ATPAF1: variants seen among roughly 807,000 people sequenced by gnomAD.
ATPAF1 encodes homolog of yeast ATP11.
Under a neutral mutation model 43.9 loss-of-function variants are expected in ATPAF1, and 26 were observed. That is an observed-to-expected ratio of 0.59 (90% CI 0.43 to 0.82). The LOEUF (loss-of-function observed/expected upper bound fraction) is 0.82. Among genes scored for constraint, ATPAF1 ranks in the 40% least tolerant of loss-of-function variants. The pLI is 0.00. For missense variants in ATPAF1, 366 were observed against 435.0 expected (o/e 0.84, Z 1.41); for synonymous variants, 157 against 168.0 (o/e 0.93, Z 0.50).
At chr1:46,657,980 A>G (rs1234944421) in intron 4 of ATPAF1, 147 bp downstream of exon 4, 1 of 776,868 alleles carries the variant, frequency 1.3e-6, no homozygotes, top group Admixed American at 2.8e-5. Flanking sequence ...TTTTCTTATG[A>G]CATTGTTCTT....
At position 46,646,949 on chromosome 1, in the gene ATPAF1, G is replaced by A. The variant is rs184034312; in HGVS notation, c.589-1693C>T. Among the ~76,000 whole-genome samples the A allele has an allele frequency of 2.0e-5, 3 of 152,272 alleles. No homozygotes were observed. The East Asian group carries it at 5.8e-4, about 29-fold the overall frequency. On this transcript the variant is annotated intron_variant, in intron 6 of 8. Coordinates refer to ENST00000574428, the Ensembl canonical transcript of ATPAF1. The stretch of plus-strand genomic sequence containing the variant: ...TTGTAAAAACGGAACCACAAAATGA[G>A]TACTTTTTTGGTTTGGTTACTTTCA...
At chr1:46,662,807 G>A (rs1415636297) in intron 2 of ATPAF1, among the ~76,000 whole-genome samples, 1 of 151,970 alleles carries the variant, frequency 6.6e-6, no homozygotes, top group Non-Finnish European at 1.5e-5. Context: ...TATACTTTAA[G>A]TTTTAGGGTA....
chr1:46,663,807 G>A, intron 2 of ATPAF1: 1 of 1,159,822 alleles, frequency 8.6e-7, no homozygotes, highest in Non-Finnish European at 1.1e-6. Flanking sequence ...ACACAATGTA[G>A]AATCCCAATT....
chr1:46,663,611 T>A (rs1676437034), intron 2 of ATPAF1, among the ~76,000 whole-genome samples: 2 of 148,670 alleles, frequency 1.3e-5, no homozygotes, highest in Admixed American at 1.4e-4. Context: ...GTATCCTTTG[T>A]CCACTTTTTG....
intron 1 of ATPAF1, chr1:46,665,889 G>C: frequency 2.9e-6 from 4 of 1,391,738 alleles, no homozygotes; most frequent in Non-Finnish European, 2.8e-6. Flanking sequence ...CAAAGAAGCT[G>C]CTCTTGGAGA....
At chr1:46,654,066 C>T (rs1263182018) in intron 4 of ATPAF1, among the ~76,000 whole-genome samples, 199 bp from the exon 5 acceptor site, 2 of 152,222 alleles carry the variant, frequency 1.3e-5, no homozygotes, top group Non-Finnish European at 2.9e-5. Flanking sequence ...TAAACTGTAA[C>T]TCTTAATAAC....
intron 2 of ATPAF1, chr1:46,663,923 C>A: frequency 7.8e-7 from 1 of 1,278,780 alleles, no homozygotes; most frequent in Non-Finnish European, 1.0e-6. Context: ...TGTGCACCAT[C>A]CTAGGTTAGA....
rs1261186115 is a variant in ATPAF1 at position 46,654,563 on chromosome 1, AC to A, written c.490-697del. On this transcript the variant is annotated intron_variant, in intron 4 of 8. Coordinates refer to ENST00000574428, the Ensembl canonical transcript of ATPAF1. Reference sequence around the variant, plus strand: ...TTATTATTATTATTATTATTATTGTACTTTAAGTTCTAGGGTACATGTGTAC... The same window carrying A: ...TTATTATTATTATTATTATTATTGTATTTAAGTTCTAGGGTACATGTGTAC... 9.4e-3 allele frequency among the ~76,000 whole-genome samples: 730 copies of A among 77,570 alleles called. 9 individuals are homozygous for A. Among genetic ancestry groups the A allele is most frequent in the Admixed American group, 0.06 (416 of 6,902 alleles). The allele number at this position is 77,570 out of a possible 152,430, so 50.9% of individuals were successfully genotyped here. A position where few individuals can be genotyped will look rare whatever the true frequency, so the allele number is the denominator to read the frequency against.
chr1:46,654,852 C>T (rs1433391985), intron 4 of ATPAF1, among the ~76,000 whole-genome samples: 4 of 151,966 alleles, frequency 2.6e-5, no homozygotes, highest in Admixed American at 6.6e-5. Flanking sequence ...CATCCATGTC[C>T]CTGCAAAGGA....
chr1:46,662,293 T>C (rs1676404578), intron 2 of ATPAF1, among the ~76,000 whole-genome samples: 1 of 152,208 alleles, frequency 6.6e-6, no homozygotes, highest in East Asian at 1.9e-4. Context: ...CCAAGAGCTA[T>C]TGACTTGTAA....
intron 8 of ATPAF1, among the ~76,000 whole-genome samples, chr1:46,637,315 G>A (rs1675860869): frequency 6.6e-6 from 1 of 152,138 alleles, no homozygotes; most frequent in Admixed American, 6.6e-5. Flanking sequence ...AGGAGTTTGA[G>A]GCTGCACTGA....
Position 46,668,040 on chromosome 1 carries a change from C to T in ATPAF1, c.266+17G>A. On this transcript the variant is annotated intron_variant, in intron 1 of 8. Coordinates refer to ENST00000574428, the Ensembl canonical transcript of ATPAF1. The surrounding 1 kb of genome is among the most constrained non-coding windows in gnomAD (Gnocchi z 4.4). Reference sequence around the variant, plus strand: ...CCTCCCGCCTCCTGCCCGCCTCCAGCCAACCCAGGCCCGCACCTGCGCAGC... The same window carrying T: ...CCTCCCGCCTCCTGCCCGCCTCCAGTCAACCCAGGCCCGCACCTGCGCAGC... The T allele has an allele frequency of 1.5e-6, 2 of 1,354,322 alleles. No individual in the cohort carries two copies. Among genetic ancestry groups the T allele is most frequent in the Non-Finnish European group, 1.9e-6 (2 of 1,054,296 alleles). 83.9% of individuals were successfully genotyped at this position (1,354,322 alleles called of 1,614,324 possible). A position where few individuals can be genotyped will look rare whatever the true frequency, so the allele number is the denominator to read the frequency against.
chr1:46,656,870 C>T (rs78486130), intron 4 of ATPAF1, among the ~76,000 whole-genome samples: 24 of 152,300 alleles, frequency 1.6e-4, no homozygotes, highest in East Asian at 5.8e-4. Flanking sequence ...ATCCGTTTTG[C>T]GGAGGCTAAA....
rs539979771 is a variant in ATPAF1 at position 46,663,919 on chromosome 1, C to T, written c.375+1337G>A. The stretch of plus-strand genomic sequence containing the variant: ...CTCCTACACCAGTTTGTTCTGTGCA[C>T]CATCCTAGGTTAGAATTTTTCAAAT... On this transcript the variant is annotated intron_variant, in intron 2 of 8. Transcript: ENST00000574428. The T allele has an allele frequency of 3.9e-6, 5 of 1,282,030 alleles. No homozygotes were observed. The African/African-American group carries it at 6.1e-5, about 16-fold the overall frequency. The allele number at this position is 1,282,030 out of a possible 1,614,324, so 79.4% of individuals were successfully genotyped here.
intron 6 of ATPAF1, among the ~76,000 whole-genome samples, chr1:46,650,427 C>T (rs908101649): frequency 2.0e-5 from 3 of 149,328 alleles, no homozygotes; most frequent in Non-Finnish European, 3.0e-5. Flanking sequence ...ATTGGTGGAA[C>T]GTAAATTAGT....
chr1:46,651,400 T>G (rs1676167503), intron 6 of ATPAF1, among the ~76,000 whole-genome samples: 2 of 152,166 alleles, frequency 1.3e-5, no homozygotes, highest in Admixed American at 1.3e-4. Flanking sequence ...AGTCTATCAT[T>G]GTTGGACATT....
chr1:46,643,399 A>G lies in ATPAF1; in HGVS notation c.685-98T>C. 3 of 945,310 alleles carry G rather than the reference A, an allele frequency of 3.2e-6. No homozygotes were observed. In the South Asian group the frequency reaches 4.8e-5, roughly 15 times the overall value. 58.6% of individuals were successfully genotyped at this position (945,310 alleles called of 1,614,324 possible). On this transcript the variant is annotated intron_variant, in intron 7 of 8. Coordinates refer to ENST00000574428, the Ensembl canonical transcript of ATPAF1. Reference sequence around the variant, plus strand: ...AGTCTAGAGGAAATTCTGGCTCTTAACAGCCCCTTGGGTGGCTAGTGAGTT... The same window carrying G: ...AGTCTAGAGGAAATTCTGGCTCTTAGCAGCCCCTTGGGTGGCTAGTGAGTT...
At chr1:46,641,536 G>A (rs1483532969) in intron 8 of ATPAF1, among the ~76,000 whole-genome samples, 2 of 151,934 alleles carry the variant, frequency 1.3e-5, no homozygotes, top group South Asian at 2.1e-4. Context: ...CTGATTCTTC[G>A]GAGTTTCTCT....
At chr1:46,636,441 C>A (rs925726952) in intron 8 of ATPAF1, among the ~76,000 whole-genome samples, 1 of 152,164 alleles carries the variant, frequency 6.6e-6, no homozygotes, top group African/African-American at 2.4e-5. Context: ...CTTGACTAAC[C>A]AGATATACAC....
Sources: allele counts gnomAD v4.1 joint callset (sites outside exome capture counted in the v4.1 genomes callset), GRCh38; gene constraint gnomAD v4.1.1; non-coding constraint Gnocchi (gnomAD v3.1); transcripts MANE v1.5; gene names NCBI Gene and HGNC (gene_info 2026-07-23, HGNC 2026-07-21).